MYRIP: variants seen among roughly 807,000 people sequenced by gnomAD.
The protein encoded by MYRIP is myosin VIIA and Rab interacting protein.
A neutral mutation model predicts 98.0 loss-of-function variants in MYRIP; 49 were observed. That is an observed-to-expected ratio of 0.50 (90% confidence interval 0.40 to 0.63). The LOEUF (loss-of-function observed/expected upper bound fraction) is 0.63, where lower values mean the gene tolerates loss of function less well. Among genes scored for constraint, MYRIP ranks in the 30% least tolerant of loss-of-function variants. MYRIP has a pLI of 0.00. For missense variants in MYRIP, 1,004 were observed against 1,058.2 expected, an observed-to-expected ratio of 0.95 and a Z score of 0.71; for synonymous variants, 404 against 409.5, an observed-to-expected ratio of 0.99 and a Z score of 0.16.
At chr3:39,836,221 G>A (rs550696462) in intron 1 of MYRIP, among the ~76,000 whole-genome samples, 3 of 152,260 alleles carry the variant, frequency 2.0e-5, no homozygotes, top group Admixed American at 1.3e-4. Context: ...CAGTGTAAAA[G>A]TGTTCCTCTT....
intron 2 of MYRIP, among the ~76,000 whole-genome samples, chr3:39,930,714 T>C (rs1397894338): frequency 6.6e-6 from 1 of 152,042 alleles, no homozygotes; most frequent in East Asian, 1.9e-4. Flanking sequence ...TGAAGTAAAA[T>C]AGGATTCCAA....
chr3:40,219,495 C>A (rs898030664), intron 11 of MYRIP, among the ~76,000 whole-genome samples: 1 of 152,076 alleles, frequency 6.6e-6, no homozygotes, highest in Non-Finnish European at 1.5e-5. Context: ...ATCCCCCACC[C>A]CACAACAGTC....
chr3:39,828,813 T>G (rs972870210), intron 1 of MYRIP, among the ~76,000 whole-genome samples: 2 of 152,212 alleles, frequency 1.3e-5, no homozygotes, highest in African/African-American at 4.8e-5. Context: ...GTTAATTCAT[T>G]CCTTTTTATG....
rs1183655748 is a variant in MYRIP at position 39,864,849 on chromosome 3, A to T, written c.-30-35938A>T. 2.0e-5 allele frequency among the ~76,000 whole-genome samples: 3 copies of T among 152,226 alleles called. No individual in the cohort carries two copies. In the East Asian group the frequency reaches 5.8e-4, roughly 29 times the overall value. The stretch of plus-strand genomic sequence containing the variant: ...AAAAAAAGCCTAAATAGCCAAGGCA[A>T]TCCTAAGCAAAAAGAACAAACCCAG... On this transcript the variant is annotated intron_variant, in intron 1 of 16. Coordinates refer to ENST00000302541, the MANE Select transcript of MYRIP (RefSeq NM_015460.4).
intron 2 of MYRIP, among the ~76,000 whole-genome samples, chr3:39,995,151 G>T (rs969410846): frequency 2.0e-5 from 3 of 152,144 alleles, no homozygotes; most frequent in Non-Finnish European, 4.4e-5. Context: ...CCAAAGGAAC[G>T]GAGCTCCTCA....
rs564777665 is a variant in MYRIP, at chr3:40,135,862, C to T, written c.333-15186C>T. ...AGATTTTGTCACCACCAGGCCTGCC[C>T]CAAAAGAGCTCCTGAAGGAAGCACT... is the stretch of plus-strand genomic sequence containing the variant. On this transcript the variant is annotated intron_variant, in intron 3 of 16. Transcript: ENST00000302541. 7.4e-4 allele frequency among the ~76,000 whole-genome samples: 113 copies of T among 152,246 alleles called. 2 individuals are homozygous for T. In the Middle Eastern group the frequency reaches 0.014, roughly 18 times the overall value.
At position 39,898,510 on chromosome 3, in the gene MYRIP, G is replaced by C. The variant is rs114883240; in HGVS notation, c.-30-2277G>C. ...CTTAATCATTACAGGCTAGAAAAAG[G>C]GGGCAGGGAACTCTGGACATCAGAT... On this transcript the variant is annotated intron_variant, in intron 1 of 16. Transcript: ENST00000302541. Among the ~76,000 whole-genome samples the C allele has an allele frequency of 9.2e-3, 1,393 of 152,176 alleles. 27 individuals are homozygous for C. Among genetic ancestry groups the C allele is most frequent in the African/African-American group, 0.032 (1,316 of 41,522 alleles).
intron 3 of MYRIP, among the ~76,000 whole-genome samples, chr3:40,145,775 A>G (rs1949996179): frequency 6.6e-6 from 1 of 152,226 alleles, no homozygotes; most frequent in African/African-American, 2.4e-5. Context: ...GGAAGGATTC[A>G]AGGTCCAAAG....
At chr3:40,235,582 T>C (rs959180181) in intron 12 of MYRIP, among the ~76,000 whole-genome samples, 9 of 152,254 alleles carry the variant, frequency 5.9e-5, no homozygotes, top group Non-Finnish European at 8.8e-5. Context: ...ACAAGTCCTA[T>C]TGGTGATTTT....
chr3:39,990,037 C>G (rs921009516), intron 2 of MYRIP, among the ~76,000 whole-genome samples: 2 of 152,258 alleles, frequency 1.3e-5, no homozygotes, highest in Admixed American at 6.5e-5. Context: ...TCACCCTCCC[C>G]CAGGAGCTCA....
At chr3:40,044,803 G>C (rs996810317) in intron 3 of MYRIP, among the ~76,000 whole-genome samples, 1 of 152,180 alleles carries the variant, frequency 6.6e-6, no homozygotes, top group African/African-American at 2.4e-5. Context: ...AAGCTTCATA[G>C]AGGACAAGAA....
chr3:39,847,725 C>T (rs750504042), intron 1 of MYRIP, among the ~76,000 whole-genome samples: 3 of 152,224 alleles, frequency 2.0e-5, no homozygotes, highest in Admixed American at 6.5e-5. Context: ...TCTGGAAACT[C>T]ATTCCTTCTT....
At chr3:40,221,217 A>G (rs994810311) in intron 11 of MYRIP, among the ~76,000 whole-genome samples, 1 of 152,126 alleles carries the variant, frequency 6.6e-6, no homozygotes, top group Non-Finnish European at 1.5e-5. Flanking sequence ...TGAGTGTGTC[A>G]GTGTGCCTGG....
At position 40,158,153 on chromosome 3, in the gene MYRIP, A is replaced by G. The variant is rs539657307; in HGVS notation, c.470-4577A>G. Among the ~76,000 whole-genome samples, 7 of 151,920 alleles carry G rather than the reference A, an allele frequency of 4.6e-5. 1 individual carries two copies. The South Asian group carries it at 1.5e-3, about 32-fold the overall frequency. ...CATTTAGTGCTATAAATTTCCCTCTACACACTGCTTTGAATGCGTCCCAGA... is the reference window on the plus strand; with the variant it reads ...CATTTAGTGCTATAAATTTCCCTCTGCACACTGCTTTGAATGCGTCCCAGA... On this transcript the variant is annotated intron_variant, in intron 4 of 16. Transcript: ENST00000302541.
chr3:40,045,341 T>G (rs1035204866), intron 3 of MYRIP, among the ~76,000 whole-genome samples: 3 of 152,138 alleles, frequency 2.0e-5, no homozygotes, highest in African/African-American at 7.2e-5. Flanking sequence ...AAAAGTGGTA[T>G]GTTAAGCACC....
At chr3:39,861,737 A>C (rs1473601455) in intron 1 of MYRIP, among the ~76,000 whole-genome samples, 1 of 152,186 alleles carries the variant, frequency 6.6e-6, no homozygotes, top group African/African-American at 2.4e-5. Context: ...AAGCTGAAGA[A>C]AGAATCTCAG....
intron 3 of MYRIP, among the ~76,000 whole-genome samples, chr3:40,134,117 G>A (rs1322278277): frequency 4.6e-5 from 7 of 152,208 alleles, no homozygotes; most frequent in Non-Finnish European, 1.0e-4. Flanking sequence ...CAAGAAATCA[G>A]GGAATTCCCT....
At chr3:40,183,014 G>T (rs749648164) in intron 9 of MYRIP, among the ~76,000 whole-genome samples, 2 of 152,214 alleles carry the variant, frequency 1.3e-5, no homozygotes, top group African/African-American at 2.4e-5. Flanking sequence ...TTCCCACCTT[G>T]TGGCTCTATC....
intron 1 of MYRIP, among the ~76,000 whole-genome samples, chr3:39,882,225 G>T (rs1336809551): frequency 6.6e-6 from 1 of 151,990 alleles, no homozygotes; most frequent in Non-Finnish European, 1.5e-5. Context: ...GGTGGAAGTG[G>T]TTGGTGTTTT....
Sources: allele counts gnomAD v4.1 joint callset (sites outside exome capture counted in the v4.1 genomes callset), GRCh38; gene constraint gnomAD v4.1.1; transcripts MANE v1.5; gene names NCBI Gene and HGNC (gene_info 2026-07-23, HGNC 2026-07-21).